TG: variants seen among roughly 807,000 people sequenced by gnomAD.
The protein encoded by TG is thyroid hormones.
A neutral mutation model predicts 324.7 loss-of-function variants in TG; 270 were observed. The observed-to-expected ratio is 0.83, with a 90% CI of 0.75 to 0.92. TG has a LOEUF of 0.92. TG is among the 40% of genes least tolerant of loss of function. TG has a pLI of 0.00. For missense variants in TG, 3,591 were observed against 3,456.4 expected, an observed-to-expected ratio of 1.04 and a Z score of -0.98; for synonymous variants, 1,401 against 1,327.0, an observed-to-expected ratio of 1.06 and a Z score of -1.21.
intron 13 of TG, 35 bp from the exon 14 acceptor site, chr8:132,898,763 G>A (rs192571477): frequency 1.7e-4 from 272 of 1,602,124 alleles, no homozygotes; most frequent in East Asian, 4.7e-4. Flanking sequence ...TGGCTCCCAC[G>A]ACCAGTCCTT....
chr8:132,930,799 G>A (rs1822600124), intron 23 of TG, among the ~76,000 whole-genome samples: 1 of 152,174 alleles, frequency 6.6e-6, no homozygotes, highest in African/African-American at 2.4e-5. Context: ...TCCAGAGATG[G>A]TTTAGCCAAC....
chr8:132,960,410 G>A (rs879848060), intron 27 of TG, among the ~76,000 whole-genome samples: 2 of 152,130 alleles, frequency 1.3e-5, no homozygotes, highest in Non-Finnish European at 2.9e-5. Flanking sequence ...CTGAGCAGGG[G>A]CAAAAGAGGC....
rs1332860789 is a variant in TG at position 133,130,371 on chromosome 8, G to T, written c.7863-1441G>T. ...TTACCTTCCATGGCAAAAGAACTTTGCAGGTGTGACTAAGGTTCAAGACCT... is the reference window on the plus strand; with the variant it reads ...TTACCTTCCATGGCAAAAGAACTTTTCAGGTGTGACTAAGGTTCAAGACCT... On this transcript the variant is annotated intron_variant, in intron 45 of 47. Coordinates refer to ENST00000220616, the MANE Select transcript of TG (RefSeq NM_003235.5). Among the ~76,000 whole-genome samples, 8 of 152,182 alleles carry T rather than the reference G, an allele frequency of 5.3e-5. No homozygotes were observed. In the East Asian group the frequency reaches 1.5e-3, roughly 29 times the overall value.
intron 19 of TG, 104 bp from the exon 20 acceptor site, chr8:132,912,943 C>A (rs1333418878): frequency 1.2e-5 from 13 of 1,089,988 alleles, no homozygotes; most frequent in Non-Finnish European, 1.7e-5. Context: ...ATGCCTATGT[C>A]TCATTCCAGT....
At position 132,898,784 on chromosome 8, in the gene TG, T is replaced by G; in HGVS notation, c.3218-14T>G. On this transcript the variant is annotated splice_polypyrimidine_tract_variant and intron_variant, in intron 13 of 47. Coordinates refer to ENST00000220616, the MANE Select transcript of TG (RefSeq NM_003235.5). ...CCACGACCAGTCCTTTACAAGCACC[T>G]CTCTCTCCCACAGGCCCGACAACCT... 1.2e-6 allele frequency: 2 copies of G among 1,612,570 alleles called. No homozygotes were observed. The highest frequency in any genetic ancestry group is 1.1e-5 in the South Asian group (1 of 91,028).
chr8:132,871,403 C>G lies in TG; in HGVS notation c.330C>G (p.Asn110Lys). The change falls in exon 4 of 48, where the codon AAC (asparagine) becomes AAG (lysine). Residue 110 changes from asparagine to lysine, a missense_variant. Transcript: ENST00000220616. ...KQQILLSGYI[N>K]STDTSYLPQC... ...AGATCTTACTGAGTGGCTACATTAA[C>G]AGCACAGACACCTCCTACCTCCCTC... The G allele has an allele frequency of 6.2e-7, 1 of 1,614,232 alleles. No individual in the cohort carries two copies. Among genetic ancestry groups the G allele is most frequent in the Non-Finnish European group, 8.5e-7 (1 of 1,180,040 alleles).
At chr8:132,942,995 G>C (rs995945223) in intron 26 of TG, among the ~76,000 whole-genome samples, 81 of 152,268 alleles carry the variant, frequency 5.3e-4, no homozygotes, top group Non-Finnish European at 5.7e-4. Flanking sequence ...GTATCACCTC[G>C]AGGACTGTTG....
Position 133,006,851 on chromosome 8 carries a change from C to T in TG, c.6263-5050C>T, listed in dbSNP as rs753254543. 2.6e-5 allele frequency among the ~76,000 whole-genome samples: 4 copies of T among 152,230 alleles called. 1 individual carries two copies. The highest frequency in any genetic ancestry group is 4.1e-4 in the South Asian group (2 of 4,820). ...TTTTAGTTATAGGTTTTTTGAATCACGATTTCAGTTTTGAATTTTTTAATG... is the reference window on the plus strand; with the variant it reads ...TTTTAGTTATAGGTTTTTTGAATCATGATTTCAGTTTTGAATTTTTTAATG... On this transcript the variant is annotated intron_variant, in intron 35 of 47. Transcript: ENST00000220616.
chr8:132,998,143 C>G (rs941888328), intron 35 of TG, among the ~76,000 whole-genome samples: 6 of 152,044 alleles, frequency 3.9e-5, no homozygotes, highest in African/African-American at 1.4e-4. Context: ...CCAATGGACA[C>G]CCTTCTTCTG....
At chr8:132,923,907 C>A (rs544776768) in intron 22 of TG, among the ~76,000 whole-genome samples, 1 of 152,226 alleles carries the variant, frequency 6.6e-6, no homozygotes, top group African/African-American at 2.4e-5. Flanking sequence ...AGTCCCCAAC[C>A]TTTTTGGCAT....
chr8:133,009,506 A>G (rs1466627981), intron 35 of TG, among the ~76,000 whole-genome samples: 1 of 151,916 alleles, frequency 6.6e-6, no homozygotes, highest in Non-Finnish European at 1.5e-5. Context: ...TCTCTGGATG[A>G]ATCTTTTCTC....
chr8:133,023,451 C>T (rs1167309312), intron 40 of TG, among the ~76,000 whole-genome samples: 2 of 151,972 alleles, frequency 1.3e-5, no homozygotes, highest in Admixed American at 1.3e-4. Context: ...GAAAATTATC[C>T]CCACCCTCTT....
Position 133,062,843 on chromosome 8 carries a change from G to A in TG, c.7240-32201G>A, listed in dbSNP as rs146416010. Among the ~76,000 whole-genome samples the A allele has an allele frequency of 5.0e-3, 764 of 152,310 alleles. 5 individuals carry two copies. The highest frequency in any genetic ancestry group is 0.018 in the African/African-American group (732 of 41,564). ...AGGAAGCACACATGTGACACGCACAGGGTGTCTTACACAGGTCTCAGGAAG... is the reference window on the plus strand; with the variant it reads ...AGGAAGCACACATGTGACACGCACAAGGTGTCTTACACAGGTCTCAGGAAG... On this transcript the variant is annotated intron_variant, in intron 41 of 47. Coordinates refer to ENST00000220616, the MANE Select transcript of TG (RefSeq NM_003235.5).
intron 34 of TG, among the ~76,000 whole-genome samples, chr8:132,973,707 A>G (rs753378360): frequency 2.6e-5 from 4 of 152,234 alleles, no homozygotes; most frequent in Non-Finnish European, 5.9e-5. Context: ...CATGGAAACT[A>G]GACATCTTCA....
intron 26 of TG, among the ~76,000 whole-genome samples, chr8:132,944,292 T>C (rs1429992854): frequency 6.6e-6 from 1 of 152,202 alleles, no homozygotes; most frequent in African/African-American, 2.4e-5. Flanking sequence ...TCTTGGCACC[T>C]GTACCAGTCT....
intron 35 of TG, among the ~76,000 whole-genome samples, chr8:132,991,052 G>T (rs1481968770): frequency 1.3e-5 from 2 of 150,884 alleles, no homozygotes; most frequent in East Asian, 3.9e-4. Context: ...TGGCCCTTTA[G>T]GGATGCTGAA....
At chr8:132,999,175 C>T in intron 35 of TG, among the ~76,000 whole-genome samples, 1 of 152,080 alleles carries the variant, frequency 6.6e-6, no homozygotes, top group East Asian at 1.9e-4. Flanking sequence ...GAGTTGGTTT[C>T]AGAGAGAAGG....
At chr8:132,995,775 C>G (rs1445393090) in intron 35 of TG, among the ~76,000 whole-genome samples, 1 of 152,132 alleles carries the variant, frequency 6.6e-6, no homozygotes, top group African/African-American at 2.4e-5. Context: ...TCGTAATGAA[C>G]TTAGTAATTT....
At chr8:133,096,437 T>C in intron 43 of TG, 64 bp downstream of exon 43, 1 of 1,590,712 alleles carries the variant, frequency 6.3e-7, no homozygotes, top group Non-Finnish European at 8.6e-7. Context: ...TGGACCTCAA[T>C]GTCTGACTTG....
Sources: allele counts gnomAD v4.1 joint callset (sites outside exome capture counted in the v4.1 genomes callset), GRCh38; gene constraint gnomAD v4.1.1; transcripts MANE v1.5; gene names NCBI Gene and HGNC (gene_info 2026-07-23, HGNC 2026-07-21).